The following TAFA4 variants were observed in gnomAD, a reference collection of about 807,000 sequenced individuals.
TAFA4 encodes TAFA chemokine like family member 4.
A neutral mutation model predicts 21.1 loss-of-function variants in TAFA4; 20 were observed. The observed-to-expected ratio is 0.95, with a 90% CI of 0.67 to 1.38. The LOEUF (loss-of-function observed/expected upper bound fraction) is 1.38, where lower values mean the gene tolerates loss of function less well. Ranked by LOEUF, TAFA4 falls within the 40% of genes most tolerant of loss-of-function variation. The pLI is 0.00. For missense variants in TAFA4, 211 were observed against 180.9 expected (o/e 1.17, Z -0.95); for synonymous variants, 71 against 67.4 (o/e 1.05, Z -0.26).
At chr3:68,757,462 TA>T (rs1443158162) in intron 3 of TAFA4, among the ~76,000 whole-genome samples, 1 of 152,164 alleles carries the variant, frequency 6.6e-6, no homozygotes, top group Non-Finnish European at 1.5e-5. Flanking sequence ...ATGCCTTGGT[TA>T]GATTACTAAA....
At chr3:68,839,551 A>G (rs1704607107) in intron 3 of TAFA4, among the ~76,000 whole-genome samples, 1 of 152,232 alleles carries the variant, frequency 6.6e-6, no homozygotes, top group Admixed American at 6.5e-5. Context: ...TGGAAAAGTC[A>G]GCATCTTCTC....
chr3:68,785,781 CCGAGAGTGAG>C lies in TAFA4; in HGVS notation c.131-32773_131-32764del, dbSNP rs375086398. ...AGTGGGAGCCCAGGCAGAGGAGGTGCCGAGAGTGAGCGAGAGTGAGCGAGGGCTGTGAGGA... is the reference window on the plus strand; with the variant it reads ...AGTGGGAGCCCAGGCAGAGGAGGTGCCGAGAGTGAGCGAGGGCTGTGAGGA... On this transcript the variant is annotated intron_variant, in intron 3 of 5. Transcript: ENST00000295569. Among the ~76,000 whole-genome samples the C allele has an allele frequency of 8.1e-3, 1,238 of 152,254 alleles. 20 individuals carry two copies. Among genetic ancestry groups the C allele is most frequent in the African/African-American group, 0.028 (1,159 of 41,484 alleles).
At chr3:68,769,143 C>G (rs1404821794) in intron 3 of TAFA4, among the ~76,000 whole-genome samples, 2 of 152,172 alleles carry the variant, frequency 1.3e-5, no homozygotes, top group Admixed American at 1.3e-4. Context: ...CAGCTGCTCC[C>G]CATTGCTTGC....
chr3:68,743,565 G>C (rs1380102873), intron 4 of TAFA4, among the ~76,000 whole-genome samples: 1 of 134,940 alleles, frequency 7.4e-6, no homozygotes, highest in Admixed American at 7.7e-5. Context: ...GACAGAGCAA[G>C]ACTCTGTCTC....
intron 3 of TAFA4, among the ~76,000 whole-genome samples, chr3:68,825,746 T>C (rs1341021848): frequency 6.6e-6 from 1 of 152,232 alleles, no homozygotes; most frequent in Non-Finnish European, 1.5e-5. Context: ...TTCCAAAGCA[T>C]ATCTCAGGTC....
At chr3:68,813,211 A>C (rs10446364) in intron 3 of TAFA4, among the ~76,000 whole-genome samples, 99,365 of 151,480 alleles carry the variant, frequency 0.66, 33,120 homozygotes, top group East Asian at 0.98. Flanking sequence ...TAAATGCCCA[A>C]AAGAGAAGCA....
intron 3 of TAFA4, among the ~76,000 whole-genome samples, chr3:68,824,189 A>G (rs1178162414): frequency 6.6e-6 from 1 of 152,196 alleles, no homozygotes; most frequent in Non-Finnish European, 1.5e-5. Context: ...AATTTTTTCT[A>G]TTACTGCTAT....
intron 3 of TAFA4, among the ~76,000 whole-genome samples, chr3:68,840,390 T>C (rs530312457): frequency 3.3e-5 from 5 of 152,058 alleles, no homozygotes; most frequent in Non-Finnish European, 7.4e-5. Flanking sequence ...TGTATTTGTA[T>C]CTCAACATGG....
chr3:68,778,534 T>C (rs1398182541), intron 3 of TAFA4, among the ~76,000 whole-genome samples: 1 of 152,032 alleles, frequency 6.6e-6, no homozygotes, highest in Non-Finnish European at 1.5e-5. Flanking sequence ...CAGTGGGAGG[T>C]AATTGAATCA....
intron 3 of TAFA4, among the ~76,000 whole-genome samples, chr3:68,825,716 T>A (rs78861569): frequency 6.6e-6 from 1 of 152,140 alleles, no homozygotes; most frequent in African/African-American, 2.4e-5. Flanking sequence ...AAAGGACAGC[T>A]TTTCCCTATC....
Position 68,746,834 on chromosome 3 carries a change from C to G in TAFA4, c.286+6029G>C, listed in dbSNP as rs1424520987. Among the ~76,000 whole-genome samples, 4 of 152,200 alleles carry G rather than the reference C, an allele frequency of 2.6e-5. No homozygotes were observed. In the South Asian group the frequency reaches 6.2e-4, roughly 24 times the overall value. On this transcript the variant is annotated intron_variant, in intron 4 of 5. Transcript: ENST00000295569. ...AGACCCACACAAGCATATCCACATA[C>G]TTTGGGAACCTCTAAGTCAGGGTTT...
intron 3 of TAFA4, among the ~76,000 whole-genome samples, chr3:68,785,846 G>T (rs1445591051): frequency 6.6e-6 from 1 of 152,192 alleles, no homozygotes; most frequent in East Asian, 1.9e-4. Flanking sequence ...TCTCACTAGG[G>T]CACTTTTCTT....
chr3:68,889,036 T>C (rs911806957), intron 1 of TAFA4, among the ~76,000 whole-genome samples: 5 of 152,230 alleles, frequency 3.3e-5, no homozygotes, highest in Non-Finnish European at 7.3e-5. Flanking sequence ...TCCTCTGTTG[T>C]TCCCAACTAT....
chr3:68,778,414 T>G (rs1703089277), intron 3 of TAFA4, among the ~76,000 whole-genome samples: 1 of 152,190 alleles, frequency 6.6e-6, no homozygotes, highest in Non-Finnish European at 1.5e-5. Context: ...CAAAAACTCA[T>G]GGAACTAAAA....
intron 3 of TAFA4, among the ~76,000 whole-genome samples, chr3:68,801,894 T>A (rs1481451772): frequency 6.6e-6 from 1 of 152,120 alleles, no homozygotes; most frequent in Non-Finnish European, 1.5e-5. Context: ...TAATTTGAAT[T>A]TTGAACTTGT....
intron 3 of TAFA4, among the ~76,000 whole-genome samples, chr3:68,861,258 G>C (rs2089340718): frequency 6.6e-6 from 1 of 151,836 alleles, no homozygotes; most frequent in Non-Finnish European, 1.5e-5. Context: ...TCACTGTGAA[G>C]TATTCTGCAG....
intron 4 of TAFA4, among the ~76,000 whole-genome samples, chr3:68,745,282 G>A (rs1042939271): frequency 3.9e-5 from 6 of 152,168 alleles, no homozygotes; most frequent in Admixed American, 1.3e-4. Flanking sequence ...AAAGTTACTG[G>A]TGAGAACATC....
chr3:68,829,522 C>T (rs866845101), intron 3 of TAFA4, among the ~76,000 whole-genome samples: 10 of 152,358 alleles, frequency 6.6e-5, no homozygotes, highest in Admixed American at 1.3e-4. Flanking sequence ...ACCAGCCTTG[C>T]ATCCCAGGGA....
chr3:68,911,539 C>T (rs528170380), intron 1 of TAFA4, among the ~76,000 whole-genome samples: 1 of 152,172 alleles, frequency 6.6e-6, no homozygotes, highest in Non-Finnish European at 1.5e-5. Flanking sequence ...TTGCTCAAGG[C>T]CACACAAATC....
Sources: gnomAD v4.1 joint callset for allele counts (sites outside exome capture counted in the v4.1 genomes callset) on GRCh38, gnomAD v4.1.1 for gene constraint, MANE v1.5 for transcripts, NCBI Gene and HGNC (gene_info 2026-07-23, HGNC 2026-07-21) for gene names.